Variants in MAGI3 observed in about 807,000 individuals in gnomAD.
MAGI3 encodes the protein membrane-associated guanylate kinase, WW and PDZ domain-containing protein 3.
In MAGI3, 43 loss-of-function variants were observed where a neutral mutation model predicts 121.8. The observed-to-expected ratio is 0.35, with a 90% confidence interval of 0.28 to 0.46. The LOEUF is 0.46. Among genes scored for constraint, MAGI3 ranks in the 20% least tolerant of loss-of-function variants. The pLI is 1.00. For missense variants in MAGI3, 1,547 were observed against 1,797.3 expected (o/e 0.86, Z 2.52); for synonymous variants, 553 against 639.3 (o/e 0.86, Z 2.04).
intron 16 of MAGI3, among the ~76,000 whole-genome samples, chr1:113,670,810 A>G (rs953541724): frequency 5.6e-4 from 86 of 152,366 alleles, no homozygotes; most frequent in African/African-American, 2.0e-3. Context: ...AGCACAGAGA[A>G]CATAACAGAT....
At chr1:113,402,519 T>G (rs573044951) in intron 1 of MAGI3, among the ~76,000 whole-genome samples, 3 of 152,300 alleles carry the variant, frequency 2.0e-5, no homozygotes, top group African/African-American at 7.2e-5. Context: ...AAAATGTTTC[T>G]GAATAGTTCC....
At position 113,679,865 on chromosome 1, in the gene MAGI3, C is replaced by T. The variant is rs190002580; in HGVS notation, c.3190-1333C>T. ...GGATTACAGGCATGCGCCACCACAC[C>T]TGGCCAATTTTGTATTTTTAGTAGA... is the stretch of plus-strand genomic sequence containing the variant. On this transcript the variant is annotated intron_variant, in intron 19 of 20. Coordinates refer to ENST00000307546, the MANE Select transcript of MAGI3 (RefSeq NM_001142782.2). 2.9e-4 allele frequency among the ~76,000 whole-genome samples: 44 copies of T among 152,218 alleles called. 1 individual carries two copies. The highest frequency in any genetic ancestry group is 2.1e-3 in the Admixed American group (32 of 15,288).
At chr1:113,420,511 GT>G (rs1652684358) in intron 1 of MAGI3, among the ~76,000 whole-genome samples, 1 of 152,166 alleles carries the variant, frequency 6.6e-6, no homozygotes, top group South Asian at 2.1e-4. Context: ...ATTTTCACTT[GT>G]TTTGAATGAC....
intron 12 of MAGI3, among the ~76,000 whole-genome samples, chr1:113,647,276 G>A (rs1392005379): frequency 6.6e-6 from 1 of 152,224 alleles, no homozygotes; most frequent in Non-Finnish European, 1.5e-5. Context: ...ACAGATTGAG[G>A]AAGGCCAATG....
chr1:113,470,078 TA>T (rs897644397), intron 1 of MAGI3, among the ~76,000 whole-genome samples: 2 of 152,146 alleles, frequency 1.3e-5, no homozygotes, highest in Non-Finnish European at 2.9e-5. Flanking sequence ...AAACTTAGCT[TA>T]AAAAATATGC....
chr1:113,519,208 G>T (rs2101623862), intron 1 of MAGI3, among the ~76,000 whole-genome samples: 1 of 152,220 alleles, frequency 6.6e-6, no homozygotes, highest in African/African-American at 2.4e-5. Context: ...GGGTGGAAAT[G>T]AGATTTCTTA....
intron 19 of MAGI3, among the ~76,000 whole-genome samples, chr1:113,677,193 G>T (rs1206862164): frequency 6.6e-6 from 1 of 152,092 alleles, no homozygotes; most frequent in East Asian, 1.9e-4. Flanking sequence ...GAATGGAAAA[G>T]GTTCATATTA....
intron 11 of MAGI3, among the ~76,000 whole-genome samples, chr1:113,645,354 C>G (rs1652778412): frequency 6.6e-6 from 1 of 152,180 alleles, no homozygotes; most frequent in South Asian, 2.1e-4. Flanking sequence ...ACTGCTTATA[C>G]TACTTGGGTC....
intron 1 of MAGI3, among the ~76,000 whole-genome samples, chr1:113,538,347 G>GA (rs767634822): frequency 4.1e-4 from 63 of 152,282 alleles, no homozygotes; most frequent in South Asian, 2.5e-3. Flanking sequence ...TGTTTTCAGT[G>GA]AAAATGACAG....
chr1:113,444,124 G>A (rs1453726223), intron 1 of MAGI3, among the ~76,000 whole-genome samples: 3 of 152,220 alleles, frequency 2.0e-5, no homozygotes, highest in Non-Finnish European at 4.4e-5. Flanking sequence ...TCGCATGGTA[G>A]CAGCTACCCA....
chr1:113,527,574 A>T (rs1369585465), intron 1 of MAGI3, among the ~76,000 whole-genome samples: 1 of 152,192 alleles, frequency 6.6e-6, no homozygotes, highest in Non-Finnish European at 1.5e-5. Context: ...ATACAACTTC[A>T]TTTAAATTAG....
intron 16 of MAGI3, among the ~76,000 whole-genome samples, chr1:113,664,346 T>A (rs1048877342): frequency 6.6e-6 from 1 of 152,248 alleles, no homozygotes; most frequent in Non-Finnish European, 1.5e-5. Context: ...ACAAATAACC[T>A]GTCCACTTCC....
At chr1:113,490,529 A>G (rs183915690) in intron 1 of MAGI3, among the ~76,000 whole-genome samples, 21 of 152,348 alleles carry the variant, frequency 1.4e-4, no homozygotes, top group Admixed American at 1.3e-3. Context: ...ACATACTAAT[A>G]CTAACCTTGA....
intron 1 of MAGI3, among the ~76,000 whole-genome samples, chr1:113,471,193 G>C (rs1655523498): frequency 6.6e-6 from 1 of 152,138 alleles, no homozygotes; most frequent in South Asian, 2.1e-4. Flanking sequence ...AAGAGCACAT[G>C]GAACATTTTC....
At chr1:113,434,500 TA>T (rs1482722942) in intron 1 of MAGI3, among the ~76,000 whole-genome samples, 1 of 152,170 alleles carries the variant, frequency 6.6e-6, no homozygotes, top group African/African-American at 2.4e-5. Context: ...AAGCATTCCC[TA>T]AATAATTTGT....
Position 113,683,555 on chromosome 1 carries a change from T to G in MAGI3, c.3987T>G (p.Asp1329Glu). 6.2e-7 allele frequency: 1 copy of G among 1,613,498 alleles called. No homozygotes were observed. The highest frequency in any genetic ancestry group is 8.5e-7 in the Non-Finnish European group (1 of 1,179,802). The change falls in exon 21 of 21, where the codon GAT (aspartate) becomes GAG (glutamate). Residue 1329 changes from aspartate (D) to glutamate (E), a missense_variant. Physicochemically the swap from Asp to Glu is conservative, Grantham distance 45. Transcript: ENST00000307546. ...GCAGTAATGCTGAGCAGATCCCAGA[T>G]GGGAAGGAAAAATCAGACGTCATCA... ...YTGSNAEQIP[D>E]GKEKSDVIRK...
At chr1:113,648,310 A>G (rs1377916157) in intron 12 of MAGI3, among the ~76,000 whole-genome samples, 1 of 151,976 alleles carries the variant, frequency 6.6e-6, no homozygotes, top group Admixed American at 6.6e-5. Flanking sequence ...TGACATGTTT[A>G]TTTCTTCTCT....
At chr1:113,677,013 T>C (rs891027461) in intron 19 of MAGI3, among the ~76,000 whole-genome samples, 1 of 152,146 alleles carries the variant, frequency 6.6e-6, no homozygotes, top group Non-Finnish European at 1.5e-5. Context: ...TGGGGATATA[T>C]GAAGTAATTA....
intron 1 of MAGI3, among the ~76,000 whole-genome samples, chr1:113,512,508 A>G (rs747033586): frequency 6.6e-6 from 1 of 152,218 alleles, no homozygotes; most frequent in African/African-American, 2.4e-5. Flanking sequence ...GGAGAGAAAT[A>G]AAAATATGTT....
Sources: allele counts gnomAD v4.1 joint callset (sites outside exome capture counted in the v4.1 genomes callset), GRCh38; gene constraint gnomAD v4.1.1; transcripts MANE v1.5; gene names NCBI Gene and HGNC (gene_info 2026-07-23, HGNC 2026-07-21).